The following CDH18 variants were observed in gnomAD, a reference collection of about 807,000 sequenced individuals.
The protein encoded by CDH18 is cadherin-18.
A neutral mutation model predicts 67.9 loss-of-function variants in CDH18; 31 were observed. The observed-to-expected ratio is 0.46, with a 90% CI of 0.34 to 0.62. The LOEUF (loss-of-function observed/expected upper bound fraction) is 0.62. Ranked by LOEUF, CDH18 falls within the 20% of genes least tolerant of loss-of-function variation. The probability of loss-of-function intolerance (pLI) is 0.01; values close to 1 mark genes in which losing one functional copy is unlikely to be tolerated. For synonymous variants in CDH18, 362 were observed against 347.2 expected (o/e 1.04, Z -0.48); for missense variants, 890 against 975.5 (o/e 0.91, Z 1.17).
At chr5:20,192,060 G>A (rs796219311) in intron 2 of CDH18, among the ~76,000 whole-genome samples, 12 of 152,098 alleles carry the variant, frequency 7.9e-5, no homozygotes, top group African/African-American at 2.9e-4. Context: ...TCTGATTGGC[G>A]TGAGATGGTA....
Position 19,758,083 on chromosome 5 carries a change from C to T in CDH18, c.229-10847G>A, listed in dbSNP as rs542719681. On this transcript the variant is annotated intron_variant, in intron 3 of 12. Coordinates refer to ENST00000382275, the MANE Select transcript of CDH18 (RefSeq NM_004934.5). ...AAGGCAGGGTGGCAGGAGTGGAGAC[C>T]ATGGGCATTTGAGCCACTTTCTCAT... is the stretch of plus-strand genomic sequence containing the variant. 2.0e-5 allele frequency among the ~76,000 whole-genome samples: 3 copies of T among 152,142 alleles called. No individual in the cohort carries two copies. In the South Asian group the frequency reaches 6.2e-4, roughly 32 times the overall value.
At chr5:20,287,217 A>G (rs1026579254) in intron 1 of CDH18, among the ~76,000 whole-genome samples, 46 of 151,794 alleles carry the variant, frequency 3.0e-4, no homozygotes, top group African/African-American at 1.1e-3. Flanking sequence ...ACTATGAAAT[A>G]ATACTTAAAG....
At chr5:19,667,182 T>C (rs1758077769) in intron 5 of CDH18, among the ~76,000 whole-genome samples, 1 of 151,734 alleles carries the variant, frequency 6.6e-6, no homozygotes, top group Admixed American at 6.6e-5. Context: ...CAAAACTAAA[T>C]TTATAAATGA....
chr5:19,897,565 A>G (rs1789484894), intron 2 of CDH18, among the ~76,000 whole-genome samples: 1 of 152,142 alleles, frequency 6.6e-6, no homozygotes, highest in Non-Finnish European at 1.5e-5. Context: ...CAATAATTCT[A>G]CTGATGAAGC....
At chr5:20,288,713 T>C (rs1033470386) in intron 1 of CDH18, among the ~76,000 whole-genome samples, 5 of 151,834 alleles carry the variant, frequency 3.3e-5, no homozygotes, top group African/African-American at 9.7e-5. Context: ...ATTCGCTTTA[T>C]TCAGAGCCAC....
intron 7 of CDH18, among the ~76,000 whole-genome samples, chr5:19,572,381 T>A (rs1371364039): frequency 6.6e-6 from 1 of 152,196 alleles, no homozygotes; most frequent in African/African-American, 2.4e-5. Context: ...TCATTTCTAT[T>A]TATGCCACTG....
chr5:20,473,460 GGATGCGCTAT>G (rs1752227418), intron 1 of CDH18, among the ~76,000 whole-genome samples: 1 of 152,022 alleles, frequency 6.6e-6, no homozygotes, highest in Non-Finnish European at 1.5e-5. Flanking sequence ...TACATTGGAA[GGATGCGCTAT>G]GACTTCACTA....
intron 1 of CDH18, among the ~76,000 whole-genome samples, chr5:20,313,011 A>G (rs1004288449): frequency 6.6e-6 from 1 of 152,170 alleles, no homozygotes; most frequent in Non-Finnish European, 1.5e-5. Context: ...GGTTGAGAAA[A>G]TGAATTAATC....
intron 5 of CDH18, among the ~76,000 whole-genome samples, chr5:19,686,542 G>A (rs200162689): frequency 7.9e-5 from 12 of 152,194 alleles, no homozygotes; most frequent in East Asian, 1.9e-4. Context: ...ATTTATGTGC[G>A]CGCACCTACA....
At chr5:20,381,423 A>G (rs1199720216) in intron 1 of CDH18, among the ~76,000 whole-genome samples, 1 of 152,066 alleles carries the variant, frequency 6.6e-6, no homozygotes, top group African/African-American at 2.4e-5. Context: ...GGATAGAAAG[A>G]TGGAAGGGTC....
intron 8 of CDH18, among the ~76,000 whole-genome samples, chr5:19,549,960 T>A (rs926348817): frequency 1.3e-5 from 2 of 151,988 alleles, no homozygotes; most frequent in South Asian, 2.1e-4. Context: ...GGAAAAACAG[T>A]TAAATAGAGA....
intron 12 of CDH18, among the ~76,000 whole-genome samples, chr5:19,476,606 T>C (rs1738511996): frequency 6.6e-6 from 1 of 152,112 alleles, no homozygotes; most frequent in Admixed American, 6.6e-5. Context: ...ATGCACGATA[T>C]ATATCTCTGT....
At chr5:19,757,775 G>T (rs1700224066) in intron 3 of CDH18, among the ~76,000 whole-genome samples, 1 of 152,270 alleles carries the variant, frequency 6.6e-6, no homozygotes, top group South Asian at 2.1e-4. Context: ...ATAGGCTACA[G>T]CCCAGGAATC....
intron 11 of CDH18, among the ~76,000 whole-genome samples, chr5:19,495,557 A>G (rs1294610505): frequency 2.0e-5 from 3 of 151,966 alleles, no homozygotes; most frequent in Non-Finnish European, 2.9e-5. Flanking sequence ...CCTGATCAAC[A>G]TGGAGAAACC....
intron 1 of CDH18, chr5:20,304,594 C>T (rs1374577384): frequency 6.2e-7 from 1 of 1,611,874 alleles, no homozygotes; most frequent in African/African-American, 1.3e-5. Context: ...GGGGACAGAG[C>T]TTAATGAGCC....
In CDH18 at chr5:20,069,661, T is replaced by C. The variant is rs576686748; in HGVS notation, c.-517-77647A>G. Among the ~76,000 whole-genome samples, 2 of 152,230 alleles carry C rather than the reference T, an allele frequency of 1.3e-5. 1 individual carries two copies. The highest frequency in any genetic ancestry group is 3.9e-4 in the East Asian group (2 of 5,170). On this transcript the variant is annotated intron_variant, in intron 2 of 14. Transcript: ENST00000507958. ...CTCTTGACCTCATGATCTGCCCACC[T>C]CAGCCTCCAAAAGTGCTGGGATTAC...
chr5:19,513,345 A>G (rs1054438702), intron 10 of CDH18, among the ~76,000 whole-genome samples: 3 of 152,136 alleles, frequency 2.0e-5, no homozygotes, highest in African/African-American at 7.2e-5. Flanking sequence ...AAACTTTCAA[A>G]TTTTAGTAAA....
chr5:20,063,647 C>T (rs966196324), intron 2 of CDH18, among the ~76,000 whole-genome samples: 1 of 152,116 alleles, frequency 6.6e-6, no homozygotes, highest in Admixed American at 6.6e-5. Flanking sequence ...TTCAAAGATG[C>T]CTTTCAAACA....
chr5:19,911,234 G>C (rs1459627041), intron 2 of CDH18, among the ~76,000 whole-genome samples: 1 of 152,100 alleles, frequency 6.6e-6, no homozygotes, highest in Non-Finnish European at 1.5e-5. Flanking sequence ...TTTGGTGGCT[G>C]AGCATGCTGA....
Sources: allele counts gnomAD v4.1 joint callset (sites outside exome capture counted in the v4.1 genomes callset), GRCh38; gene constraint gnomAD v4.1.1; transcripts MANE v1.5; gene names NCBI Gene and HGNC (gene_info 2026-07-23, HGNC 2026-07-21).